Variants in C9orf85 observed in about 807,000 individuals in gnomAD.
C9orf85 encodes the protein chromosome 9 open reading frame 85.
A neutral mutation model predicts 14.9 loss-of-function variants in C9orf85; 16 were observed. The ratio of observed to expected loss-of-function variants is 1.08; its 90% CI spans 0.73 to 1.63. C9orf85 has a LOEUF of 1.63. Among genes scored for constraint, C9orf85 ranks in the 40% most tolerant of loss-of-function variants. C9orf85 has a pLI of 0.00. For synonymous variants in C9orf85, 45 were observed against 56.8 expected, an observed-to-expected ratio of 0.79 and a Z score of 0.93; for missense variants, 172 against 186.1, an observed-to-expected ratio of 0.92 and a Z score of 0.44.
intron 1 of C9orf85, among the ~76,000 whole-genome samples, chr9:71,916,859 C>G (rs964191424): frequency 6.6e-6 from 1 of 152,118 alleles, no homozygotes; most frequent in Non-Finnish European, 1.5e-5. Context: ...GGATACTCAA[C>G]CTGTTATAGC....
At chr9:71,975,379 T>G (rs1822980883), downstream of C9orf85, among the ~76,000 whole-genome samples, 1 of 147,138 alleles carries the variant, frequency 6.8e-6, no homozygotes, top group Admixed American at 6.9e-5. Flanking sequence ...AAGCAAAGGT[T>G]GCAGTGAGCC....
chr9:71,911,773 T>TC lies in C9orf85; in HGVS notation c.40dup (p.Gln14ProfsTer8), dbSNP rs1827496868. On this transcript the variant is annotated frameshift_variant, in exon 1 of 4. Coordinates refer to ENST00000334731, the MANE Select transcript of C9orf85 (RefSeq NM_182505.5). LOFTEE classifies it high-confidence loss of function. ...AAGGCAACGTGGCTCGTTCCAGACCTCAGAAGCACCAGAATACGTTTAGCT... is the reference window on the plus strand; with the variant it reads ...AAGGCAACGTGGCTCGTTCCAGACCTCCAGAAGCACCAGAATACGTTTAGCT... The TC allele has an allele frequency of 6.2e-7, 1 of 1,613,950 alleles. No homozygotes were observed.
At chr9:71,923,212 AG>A (rs1827856985) in intron 1 of C9orf85, among the ~76,000 whole-genome samples, 1 of 152,206 alleles carries the variant, frequency 6.6e-6, no homozygotes, top group African/African-American at 2.4e-5. Context: ...CCTGTCCATT[AG>A]CCCTTCTACT....
At chr9:71,956,241 AGTTTTT>A (rs1170532714) in intron 2 of C9orf85, among the ~76,000 whole-genome samples, 1 of 132,072 alleles carries the variant, frequency 7.6e-6, no homozygotes, top group Admixed American at 9.0e-5. Flanking sequence ...GGAATGCAAA[AGTTTTT>A]TTTTTTTTTT....
intron 2 of C9orf85, among the ~76,000 whole-genome samples, chr9:71,960,656 T>A (rs1822488549): frequency 6.6e-6 from 1 of 152,160 alleles, no homozygotes; most frequent in Non-Finnish European, 1.5e-5. Flanking sequence ...TACTGCAACC[T>A]CTGCCTCAGC....
chr9:71,919,859 CT>C (rs755382234), intron 1 of C9orf85, among the ~76,000 whole-genome samples: 176 of 141,866 alleles, frequency 1.2e-3, no homozygotes, highest in Middle Eastern at 3.7e-3. Flanking sequence ...TTCTTTTTTT[CT>C]TTTTTTTTTT....
chr9:71,974,607 A>G (rs1022084407), downstream of C9orf85, among the ~76,000 whole-genome samples: 3 of 152,132 alleles, frequency 2.0e-5, no homozygotes, highest in Non-Finnish European at 2.9e-5. Context: ...TGTTACATCA[A>G]TACTAGCATG....
intron 2 of C9orf85, among the ~76,000 whole-genome samples, chr9:71,960,654 C>T (rs1375126651): frequency 1.3e-5 from 2 of 152,108 alleles, no homozygotes; most frequent in African/African-American, 4.8e-5. Flanking sequence ...CTTACTGCAA[C>T]CTCTGCCTCA....
At chr9:71,945,327 G>C (rs1466988644) in intron 1 of C9orf85, among the ~76,000 whole-genome samples, 1 of 152,208 alleles carries the variant, frequency 6.6e-6, no homozygotes, top group Non-Finnish European at 1.5e-5. Flanking sequence ...CGAAGAGTTT[G>C]GTGTGTAGGC....
intron 2 of C9orf85, among the ~76,000 whole-genome samples, chr9:71,968,827 C>T (rs1293083228): frequency 6.6e-6 from 1 of 152,096 alleles, no homozygotes; most frequent in Admixed American, 6.6e-5. Context: ...TGTGTCGTTC[C>T]CCTATTGGCT....
At chr9:71,951,115 C>T (rs1248223740) in intron 2 of C9orf85, among the ~76,000 whole-genome samples, 5 of 152,044 alleles carry the variant, frequency 3.3e-5, no homozygotes, top group Non-Finnish European at 5.9e-5. Flanking sequence ...TTTCTTTTTT[C>T]AGTGAGGTGA....
downstream of C9orf85, among the ~76,000 whole-genome samples, chr9:71,977,108 C>T (rs1209700970): frequency 6.6e-6 from 1 of 152,080 alleles, no homozygotes; most frequent in Non-Finnish European, 1.5e-5. Flanking sequence ...ACTAACCAGC[C>T]CTGGGCTCAC....
intron 1 of C9orf85, among the ~76,000 whole-genome samples, chr9:71,937,050 T>C (rs927086640): frequency 6.6e-6 from 1 of 152,176 alleles, no homozygotes; most frequent in Admixed American, 6.5e-5. Flanking sequence ...TGAGCTACCA[T>C]ACCTGGCCTG....
intron 2 of C9orf85, among the ~76,000 whole-genome samples, chr9:71,965,099 GAA>G (rs1185956828): frequency 6.6e-6 from 1 of 152,172 alleles, no homozygotes; most frequent in African/African-American, 2.4e-5. Context: ...AAACAGACCA[GAA>G]GAGAGTGCAG....
chr9:71,924,988 G>T (rs958870361), intron 1 of C9orf85, among the ~76,000 whole-genome samples: 2 of 151,878 alleles, frequency 1.3e-5, no homozygotes, highest in African/African-American at 4.8e-5. Flanking sequence ...GAATTTAAAC[G>T]CACCAATACA....
intron 2 of C9orf85, among the ~76,000 whole-genome samples, chr9:71,970,244 G>A (rs1429921475): frequency 6.6e-6 from 1 of 152,056 alleles, no homozygotes; most frequent in African/African-American, 2.4e-5. Context: ...CACGGCACCC[G>A]GCCAGTTTTT....
At chr9:71,924,993 A>G (rs1179942520) in intron 1 of C9orf85, among the ~76,000 whole-genome samples, 4 of 152,200 alleles carry the variant, frequency 2.6e-5, no homozygotes, top group Non-Finnish European at 5.9e-5. Flanking sequence ...TAAACGCACC[A>G]ATACAGAACA....
At chr9:71,935,445 G>C (rs1828166161) in intron 1 of C9orf85, among the ~76,000 whole-genome samples, 1 of 151,966 alleles carries the variant, frequency 6.6e-6, no homozygotes, top group African/African-American at 2.4e-5. Context: ...AGGAAATTCT[G>C]ACATATTCTA....
chr9:71,957,356 T>C (rs1335260837), intron 2 of C9orf85, among the ~76,000 whole-genome samples: 2 of 152,150 alleles, frequency 1.3e-5, no homozygotes, highest in Non-Finnish European at 2.9e-5. Context: ...AAGCATTGAG[T>C]TAAATTTTGC....
Sources: gnomAD v4.1 joint callset for allele counts (sites outside exome capture counted in the v4.1 genomes callset) on GRCh38, gnomAD v4.1.1 for gene constraint, MANE v1.5 for transcripts, NCBI Gene and HGNC (gene_info 2026-07-23, HGNC 2026-07-21) for gene names.